The following BICD1 variants were observed in gnomAD, a reference collection of about 807,000 sequenced individuals.
The protein encoded by BICD1 is BICD cargo adaptor 1.
A neutral mutation model predicts 92.5 loss-of-function variants in BICD1; 35 were observed. That is an observed-to-expected ratio of 0.38 (90% confidence interval 0.29 to 0.50). The LOEUF (loss-of-function observed/expected upper bound fraction) is 0.50, where lower values mean the gene tolerates loss of function less well. Ranked by LOEUF, BICD1 falls within the 20% of genes least tolerant of loss-of-function variation. BICD1 has a pLI of 0.93. For synonymous variants in BICD1, 429 were observed against 465.1 expected (o/e 0.92, Z 1.00); for missense variants, 950 against 1,189.8 (o/e 0.80, Z 2.97).
chr12:32,280,691 G>A (rs1417266584), intron 2 of BICD1, among the ~76,000 whole-genome samples: 1 of 152,184 alleles, frequency 6.6e-6, no homozygotes, highest in Non-Finnish European at 1.5e-5. Flanking sequence ...ATGCCAAAGT[G>A]GCATATTTTG....
Position 32,327,806 on chromosome 12 carries a change from G to A in BICD1, c.1351G>A (p.Glu451Lys). Reference protein sequence around the residue: ...YNKSVENYTDEKAKYESKIQM... With the variant: ...YNKSVENYTDKKAKYESKIQM... Reference sequence around the variant, plus strand: ...TAAATCTGTAGAAAACTACACTGATGAGAAGGCCAAGTATGAGAGTAAAAT... The same window carrying A: ...TAAATCTGTAGAAAACTACACTGATAAGAAGGCCAAGTATGAGAGTAAAAT... Residue 451 changes from glutamate (E) to lysine (K), a missense_variant, in exon 5 of 10, where the codon GAG (glutamate) becomes AAG (lysine). Glu to Lys is a moderately conservative substitution (Grantham distance 56). Transcript: ENST00000652176. The A allele has an allele frequency of 6.2e-7, 1 of 1,614,132 alleles. No homozygotes were observed. The highest frequency in any genetic ancestry group is 8.5e-7 in the Non-Finnish European group (1 of 1,180,024).
At position 32,328,618 on chromosome 12, in the gene BICD1, A is replaced by C; in HGVS notation, c.2100+63A>C. 1 of 1,540,932 alleles carries C rather than the reference A, an allele frequency of 6.5e-7. No individual in the cohort carries two copies. On this transcript the variant is annotated intron_variant, in intron 5 of 9. Coordinates refer to ENST00000652176, the MANE Select transcript of BICD1 (RefSeq NM_001714.4). This position sits in a 1 kb window ranked among gnomAD's most constrained non-coding sequence, Gnocchi z 4.4. ...GCTTTCTTAACTAATTTATTCCCTA[A>C]TTTTATTGAGTATCGAGTATCGTCA... is the stretch of plus-strand genomic sequence containing the variant.
intron 1 of BICD1, among the ~76,000 whole-genome samples, chr12:32,142,476 A>ATCTATCTATCTATCTATCTATCGG (rs1451428340): frequency 8.0e-6 from 1 of 125,722 alleles, no homozygotes; most frequent in African/African-American, 2.8e-5. Context: ...CTATCTATCT[A>ATCTATCTATCTATCTATCTATCGG]TCTATCTATC....
At position 32,293,926 on chromosome 12, in the gene BICD1, A is replaced by T. The variant is rs965922879; in HGVS notation, c.427-68A>T. 8 of 1,469,396 alleles carry T rather than the reference A, an allele frequency of 5.4e-6. No individual in the cohort carries two copies. In the African/African-American group the frequency reaches 1.2e-4, roughly 21 times the overall value. The allele number at this position is 1,469,396 out of a possible 1,614,324, so 91.0% of individuals were successfully genotyped here. ...GTTTTTATTATTATTTTTAACTACC[A>T]GGACTTTACACCTTGTAAAATCTAC... On this transcript the variant is annotated intron_variant, in intron 2 of 9. Transcript: ENST00000652176.
intron 1 of BICD1, among the ~76,000 whole-genome samples, chr12:32,156,391 G>C (rs1035956410): frequency 6.6e-5 from 10 of 152,082 alleles, no homozygotes; most frequent in Non-Finnish European, 1.5e-4. Flanking sequence ...CTCAATTCCA[G>C]CTCCCGGGAT....
rs542908626 is a variant in BICD1 at position 32,335,264 on chromosome 12, C to T, written c.2252+597C>T. ...CTCCCGGGTTCTAGCGATTCTCCTG[C>T]CTCACCCTCCCGAGTAGCTGGGAAT... On this transcript the variant is annotated intron_variant, in intron 6 of 9. Transcript: ENST00000652176. Among the ~76,000 whole-genome samples, 3 of 152,130 alleles carry T rather than the reference C, an allele frequency of 2.0e-5. No homozygotes were observed. The East Asian group carries it at 5.8e-4, about 30-fold the overall frequency.
chr12:32,243,584 T>C (rs1184835268), intron 2 of BICD1, among the ~76,000 whole-genome samples: 1 of 152,160 alleles, frequency 6.6e-6, no homozygotes, highest in Non-Finnish European at 1.5e-5. Context: ...TGCCAAAAAA[T>C]TATTGATTTT....
At chr12:32,216,184 G>A in intron 1 of BICD1, 63 bp from the exon 2 acceptor site, 2 of 1,536,742 alleles carry the variant, frequency 1.3e-6, no homozygotes, top group Non-Finnish European at 1.8e-6. Context: ...ATTTTCCCAA[G>A]TCTTAAAAGA....
intron 2 of BICD1, among the ~76,000 whole-genome samples, chr12:32,267,982 T>C (rs1346533591): frequency 1.3e-5 from 2 of 151,952 alleles, no homozygotes; most frequent in African/African-American, 4.8e-5. Flanking sequence ...AAAGTGTTTT[T>C]TTTGAAGAAA....
Position 32,106,893 on chromosome 12 carries a change from G to C in BICD1, c.-439G>C, listed in dbSNP as rs1242718491. On this transcript the variant is annotated 5_prime_UTR_variant, in exon 1 of 10. Transcript: ENST00000652176. The stretch of plus-strand genomic sequence containing the variant: ...CAGGGCCAGAGGGAGCAGGTGGAGC[G>C]AGAGAGCGAGCCGCGAGCCGGAGCG... The C allele has an allele frequency of 5.7e-6, 1 of 175,278 alleles. No homozygotes were observed. The highest frequency in any genetic ancestry group is 1.2e-5 in the Non-Finnish European group (1 of 83,896). The allele number at this position is 175,278 out of a possible 1,614,324, so 10.9% of individuals were successfully genotyped here. A position where few individuals can be genotyped will look rare whatever the true frequency, so the allele number is the denominator to read the frequency against.
intron 1 of BICD1, among the ~76,000 whole-genome samples, chr12:32,132,799 A>G (rs1942598209): frequency 6.6e-6 from 1 of 152,186 alleles, no homozygotes; most frequent in African/African-American, 2.4e-5. Flanking sequence ...GATTTCATAC[A>G]TGTTTTTAAA....
At chr12:32,296,509 A>T (rs762572748) in intron 3 of BICD1, among the ~76,000 whole-genome samples, 7 of 152,074 alleles carry the variant, frequency 4.6e-5, no homozygotes, top group Non-Finnish European at 1.0e-4. Context: ...TGCCCGCCTC[A>T]GCCTCCCAAA....
intron 1 of BICD1, among the ~76,000 whole-genome samples, chr12:32,176,686 T>C (rs1944099002): frequency 6.6e-6 from 1 of 152,236 alleles, no homozygotes; most frequent in Admixed American, 6.5e-5. Flanking sequence ...TTGTGTTGTC[T>C]TCTTTCACTC....
At chr12:32,227,967 C>G (rs1186084317) in intron 2 of BICD1, 2 of 189,374 alleles carry the variant, frequency 1.1e-5, no homozygotes, top group Admixed American at 9.3e-5. Flanking sequence ...TCATGGAGTT[C>G]TTCTTCTTGG....
At chr12:32,323,974 T>G (rs1190396283) in intron 4 of BICD1, among the ~76,000 whole-genome samples, 1 of 152,154 alleles carries the variant, frequency 6.6e-6, no homozygotes, top group Non-Finnish European at 1.5e-5. Flanking sequence ...ATTAGGAATA[T>G]TGAGAGTTAA....
At chr12:32,373,983 G>A (rs963771337) in intron 9 of BICD1, among the ~76,000 whole-genome samples, 38 of 151,948 alleles carry the variant, frequency 2.5e-4, no homozygotes, top group African/African-American at 9.2e-4. Flanking sequence ...GGAAGCAGAG[G>A]CAGGCTGATC....
chr12:32,318,338 C>T (rs916810700), intron 4 of BICD1, among the ~76,000 whole-genome samples: 1 of 152,112 alleles, frequency 6.6e-6, no homozygotes, highest in African/African-American at 2.4e-5. Context: ...TTCTTCCTAC[C>T]CATGAGCATG....
chr12:32,126,782 G>T lies in BICD1; in HGVS notation c.213+19238G>T, dbSNP rs1190220134. ...GTTTAAAAAAAAAGAAAAAGACCCT[G>T]CAGAAATTAAAATTGTAAAAATATA... is the stretch of plus-strand genomic sequence containing the variant. On this transcript the variant is annotated intron_variant, in intron 1 of 9. Transcript: ENST00000652176. Among the ~76,000 whole-genome samples, 4 of 151,942 alleles carry T rather than the reference G, an allele frequency of 2.6e-5. 1 individual carries two copies. Among genetic ancestry groups the T allele is most frequent in the African/African-American group, 7.3e-5 (3 of 41,358 alleles).
At chr12:32,332,394 A>AT in intron 5 of BICD1, 1 of 966,310 alleles carries the variant, frequency 1.0e-6, no homozygotes, top group Non-Finnish European at 1.2e-6. Flanking sequence ...TTAAAAATAA[A>AT]TAAATAGGCA....
Sources: allele counts gnomAD v4.1 joint callset (sites outside exome capture counted in the v4.1 genomes callset), GRCh38; gene constraint gnomAD v4.1.1; non-coding constraint Gnocchi (gnomAD v3.1); transcripts MANE v1.5; gene names NCBI Gene and HGNC (gene_info 2026-07-23, HGNC 2026-07-21).